Variants in ENOX1 observed in about 807,000 individuals in gnomAD.
ENOX1 encodes ecto-NOX disulfide-thiol exchanger 1.
Under a neutral mutation model 82.5 loss-of-function variants are expected in ENOX1, and 42 were observed. The observed-to-expected ratio is 0.51, with a 90% CI of 0.40 to 0.66. The LOEUF is 0.66. Among genes scored for constraint, ENOX1 ranks in the 30% least tolerant of loss-of-function variants. The probability of loss-of-function intolerance (pLI) is 0.00; values close to 1 mark genes in which losing one functional copy is unlikely to be tolerated. For synonymous variants in ENOX1, 271 were observed against 282.2 expected (o/e 0.96, Z 0.40); for missense variants, 608 against 811.6 (o/e 0.75, Z 3.05).
intron 14 of ENOX1, among the ~76,000 whole-genome samples, chr13:43,247,883 A>ATATATTTTT (rs1566330073): frequency 6.8e-5 from 1 of 14,646 alleles, no homozygotes; most frequent in Admixed American, 1.4e-3. Flanking sequence ...ATATATATAT[A>ATATATTTTT]TTTTTTTTTT....
Position 43,619,686 on chromosome 13 carries a change from C to T in ENOX1, c.-219+47793G>A, listed in dbSNP as rs535850667. 5.3e-5 allele frequency among the ~76,000 whole-genome samples: 8 copies of T among 152,206 alleles called. No homozygotes were observed. The South Asian group carries it at 1.7e-3, about 32-fold the overall frequency. ...TGTTAAGGATTTTGGCATCTATGTT[C>T]ATCAAGGATATCGGTCTGTAGTTTT... On this transcript the variant is annotated intron_variant, in intron 2 of 16. Transcript: ENST00000690772.
At chr13:43,636,486 T>A (rs961551175) in intron 2 of ENOX1, among the ~76,000 whole-genome samples, 9 of 152,190 alleles carry the variant, frequency 5.9e-5, no homozygotes, top group Non-Finnish European at 1.3e-4. Context: ...CCCAATAGTC[T>A]CCCTGGCCTC....
At chr13:43,417,389 C>G (rs1399374050) in intron 3 of ENOX1, among the ~76,000 whole-genome samples, 1 of 152,200 alleles carries the variant, frequency 6.6e-6, no homozygotes, top group Non-Finnish European at 1.5e-5. Context: ...GCTGCCGTGA[C>G]ATTGTTCACA....
At chr13:43,592,073 G>C (rs1252843275) in intron 2 of ENOX1, among the ~76,000 whole-genome samples, 2 of 152,112 alleles carry the variant, frequency 1.3e-5, no homozygotes, top group Non-Finnish European at 2.9e-5. Flanking sequence ...TGATCACAAT[G>C]CTTTCTCTAT....
chr13:43,571,973 C>T (rs944630824), intron 2 of ENOX1, among the ~76,000 whole-genome samples: 2 of 151,962 alleles, frequency 1.3e-5, no homozygotes, highest in African/African-American at 2.4e-5. Flanking sequence ...AGCAGGCAGT[C>T]ACCGGGGTAG....
At position 43,638,735 on chromosome 13, in the gene ENOX1, G is replaced by A. The variant is rs1329019563; in HGVS notation, c.-219+28744C>T. On this transcript the variant is annotated intron_variant, in intron 2 of 16. Coordinates refer to ENST00000690772, the MANE Select transcript of ENOX1 (RefSeq NM_001347969.2). ...AATGCATGTGTTTGAGTGGTGGGGG[G>A]CAGTGCACAGATTCATCTAACTTTA... is the stretch of plus-strand genomic sequence containing the variant. Among the ~76,000 whole-genome samples the A allele has an allele frequency of 5.3e-5, 8 of 152,224 alleles. No homozygotes were observed. The East Asian group carries it at 1.5e-3, about 29-fold the overall frequency.
At chr13:43,651,303 G>A (rs192306449) in intron 2 of ENOX1, among the ~76,000 whole-genome samples, 9 of 152,248 alleles carry the variant, frequency 5.9e-5, no homozygotes, top group African/African-American at 1.7e-4. Flanking sequence ...GAAGAGGGAA[G>A]GGAAGGAGAA....
chr13:43,656,079 C>A lies in ENOX1; in HGVS notation c.-219+11400G>T, dbSNP rs576400594. On this transcript the variant is annotated intron_variant, in intron 2 of 16. Coordinates refer to ENST00000690772, the MANE Select transcript of ENOX1 (RefSeq NM_001347969.2). ...CTCAAAAATTTAAATTTCTTCTTGG[C>A]AAATTAGACATATAAACTTATCCAG... Among the ~76,000 whole-genome samples the A allele has an allele frequency of 6.2e-4, 95 of 152,182 alleles. 1 individual carries two copies. In the South Asian group the frequency reaches 0.02, roughly 32 times the overall value.
At chr13:43,326,979 A>G (rs2048150651) in intron 9 of ENOX1, among the ~76,000 whole-genome samples, 1 of 152,196 alleles carries the variant, frequency 6.6e-6, no homozygotes, top group African/African-American at 2.4e-5. Flanking sequence ...CTTTATCTCA[A>G]GGACTCAATC....
At chr13:43,454,842 T>A (rs2057147198) in intron 3 of ENOX1, among the ~76,000 whole-genome samples, 1 of 41,866 alleles carries the variant, frequency 2.4e-5, no homozygotes, top group Non-Finnish European at 6.4e-5. Context: ...ATTGAAACCA[T>A]TTTTTTTTTT....
chr13:43,686,610 T>G (rs913952899), intron 1 of ENOX1, among the ~76,000 whole-genome samples: 3 of 152,172 alleles, frequency 2.0e-5, no homozygotes, highest in Admixed American at 6.6e-5. Flanking sequence ...TGGTTAAAGA[T>G]TCTCACATAG....
chr13:43,510,192 C>T (rs961603409), intron 2 of ENOX1, among the ~76,000 whole-genome samples: 1 of 152,040 alleles, frequency 6.6e-6, no homozygotes, highest in Non-Finnish European at 1.5e-5. Context: ...GCCTCCAGAT[C>T]AATCCATGTG....
At chr13:43,451,564 A>G (rs2056966173) in intron 3 of ENOX1, among the ~76,000 whole-genome samples, 1 of 152,226 alleles carries the variant, frequency 6.6e-6, no homozygotes, top group Non-Finnish European at 1.5e-5. Context: ...TTTATTAATA[A>G]GTGATTATTT....
chr13:43,292,625 A>T (rs1474874155), intron 12 of ENOX1, among the ~76,000 whole-genome samples: 4 of 98,754 alleles, frequency 4.1e-5, no homozygotes, highest in Non-Finnish European at 1.1e-4. Context: ...ACAAGGTTTA[A>T]AAAAAAAAAC....
intron 1 of ENOX1, among the ~76,000 whole-genome samples, chr13:43,726,315 C>A (rs553717843): frequency 7.3e-5 from 11 of 150,384 alleles, no homozygotes; most frequent in Admixed American, 1.3e-4. Context: ...CTCCCAGATT[C>A]AAGTGATTCT....
At chr13:43,657,738 G>GAC (rs1484243954) in intron 2 of ENOX1, among the ~76,000 whole-genome samples, 2 of 152,196 alleles carry the variant, frequency 1.3e-5, no homozygotes, top group African/African-American at 4.8e-5. Context: ...ATACATACCA[G>GAC]ACATTTCTTT....
At chr13:43,690,425 A>T (rs1225329979) in intron 1 of ENOX1, among the ~76,000 whole-genome samples, 1 of 152,248 alleles carries the variant, frequency 6.6e-6, no homozygotes, top group South Asian at 2.1e-4. Context: ...TTCAATAAAT[A>T]TAATTGAGGA....
At chr13:43,218,470 T>C (rs2041608141) in intron 16 of ENOX1, among the ~76,000 whole-genome samples, 1 of 151,936 alleles carries the variant, frequency 6.6e-6, no homozygotes, top group African/African-American at 2.4e-5. Context: ...CTACAAAACA[T>C]ACAAAAATTA....
intron 3 of ENOX1, among the ~76,000 whole-genome samples, chr13:43,479,545 T>G (rs780394299): frequency 5.9e-5 from 9 of 152,174 alleles, no homozygotes; most frequent in Non-Finnish European, 1.2e-4. Context: ...CCCTCATCCA[T>G]GTTCCTATAT....
Sources: allele counts gnomAD v4.1 joint callset (sites outside exome capture counted in the v4.1 genomes callset), GRCh38; gene constraint gnomAD v4.1.1; transcripts MANE v1.5; gene names NCBI Gene and HGNC (gene_info 2026-07-23, HGNC 2026-07-21).